Variants in RNF150 observed in about 807,000 individuals in gnomAD.
RNF150 encodes ring finger protein 150.
Under a neutral mutation model 39.3 loss-of-function variants are expected in RNF150, and 24 were observed. The observed-to-expected ratio is 0.61, with a 90% confidence interval of 0.44 to 0.86. RNF150 has a LOEUF of 0.86. RNF150 is among the 40% of genes least tolerant of loss of function. The probability of loss-of-function intolerance (pLI) is 0.00; values close to 1 mark genes in which losing one functional copy is unlikely to be tolerated. For missense variants in RNF150, 502 were observed against 587.8 expected (o/e 0.85, Z 1.51); for synonymous variants, 255 against 227.3 (o/e 1.12, Z -1.10).
chr4:141,190,237 C>T (rs530880869), intron 1 of RNF150, among the ~76,000 whole-genome samples: 7 of 152,320 alleles, frequency 4.6e-5, no homozygotes, highest in East Asian at 1.9e-4. Flanking sequence ...GCATTGGTCT[C>T]GCTGGTTGTT....
At chr4:140,937,622 T>C (rs1391416668) in intron 4 of RNF150, among the ~76,000 whole-genome samples, 2 of 151,960 alleles carry the variant, frequency 1.3e-5, no homozygotes, top group Admixed American at 1.3e-4. Flanking sequence ...AATGAGAAAG[T>C]AGAAGAAAAA....
At chr4:141,034,207 T>C (rs1026779201) in intron 1 of RNF150, among the ~76,000 whole-genome samples, 3 of 152,238 alleles carry the variant, frequency 2.0e-5, no homozygotes, top group African/African-American at 7.2e-5. Flanking sequence ...ACCTGCTGCT[T>C]CACCTTGCAT....
chr4:140,956,083 T>C (rs1560985487), intron 2 of RNF150, among the ~76,000 whole-genome samples: 2 of 152,352 alleles, frequency 1.3e-5, no homozygotes, highest in South Asian at 4.1e-4. Flanking sequence ...AAAAGATCCC[T>C]ACTTAGTTTA....
At position 141,111,971 on chromosome 4, in the gene RNF150, A is replaced by G. The variant is rs146903303; in HGVS notation, c.484+20354T>C. ...CAGTAGGAGAAATGCAAAAGAACTGATTTATTTATAAAACTAAAAATAATA... is the reference window on the plus strand; with the variant it reads ...CAGTAGGAGAAATGCAAAAGAACTGGTTTATTTATAAAACTAAAAATAATA... On this transcript the variant is annotated intron_variant, in intron 1 of 6. Coordinates refer to ENST00000515673, the MANE Select transcript of RNF150 (RefSeq NM_020724.2). 3.0e-4 allele frequency among the ~76,000 whole-genome samples: 45 copies of G among 152,298 alleles called. No individual in the cohort carries two copies. In the East Asian group the frequency reaches 7.7e-3, roughly 26 times the overall value.
At chr4:140,909,500 T>G (rs1370014314) in intron 6 of RNF150, among the ~76,000 whole-genome samples, 1 of 152,128 alleles carries the variant, frequency 6.6e-6, no homozygotes, top group East Asian at 1.9e-4. Flanking sequence ...CCACTTTATT[T>G]AAAAACATTC....
intron 6 of RNF150, among the ~76,000 whole-genome samples, chr4:140,904,840 A>C (rs934043175): frequency 6.6e-6 from 1 of 152,226 alleles, no homozygotes; most frequent in Non-Finnish European, 1.5e-5. Flanking sequence ...AGTTTTAAAT[A>C]GAGATGTTCT....
At position 140,863,969 on chromosome 4, in the gene RNF150, T is replaced by C. The variant is rs1313317821; in HGVS notation, c.*4292A>G. On this transcript the variant is annotated 3_prime_UTR_variant, in exon 7 of 7. Transcript: ENST00000515673. ...TCCTATGTTAGATCACTGGCATTGA[T>C]TTGGTTTTGAGAGTATGGTAGCCTC... 2 of 152,194 alleles carry C rather than the reference T, an allele frequency of 1.3e-5. No homozygotes were observed. Among genetic ancestry groups the C allele is most frequent in the Admixed American group, 1.3e-4 (2 of 15,276 alleles). The allele number at this position is 152,194 out of a possible 1,614,324, so 9.4% of individuals were successfully genotyped here.
chr4:140,891,977 A>G (rs1373963731), intron 6 of RNF150, among the ~76,000 whole-genome samples: 2 of 152,118 alleles, frequency 1.3e-5, no homozygotes, highest in Non-Finnish European at 2.9e-5. Flanking sequence ...CGTCCCCCCA[A>G]CCACCTCTCT....
In RNF150 at chr4:141,125,987, A is replaced by AT. The variant is rs370220199; in HGVS notation, c.484+6337_484+6338insA. On this transcript the variant is annotated intron_variant, in intron 1 of 6. Coordinates refer to ENST00000515673, the MANE Select transcript of RNF150 (RefSeq NM_020724.2). The stretch of plus-strand genomic sequence containing the variant: ...GCTACACTGCCAAGAATGTTATTTA[A>AT]CACTTTGATGAATTATGGCTTTTAA... Among the ~76,000 whole-genome samples, 740 of 152,280 alleles carry AT rather than the reference A, an allele frequency of 4.9e-3. 9 individuals carry two copies. The highest frequency in any genetic ancestry group is 0.017 in the African/African-American group (702 of 41,570).
At chr4:141,152,079 T>A (rs1435132) in intron 1 of RNF150, among the ~76,000 whole-genome samples, 1 of 152,038 alleles carries the variant, frequency 6.6e-6, no homozygotes, top group Non-Finnish European at 1.5e-5. Flanking sequence ...ATGGCTTTTA[T>A]GTAATCTGTT....
intron 1 of RNF150, among the ~76,000 whole-genome samples, chr4:141,061,111 C>CAA (rs1172706208): frequency 6.6e-6 from 1 of 151,304 alleles, no homozygotes; most frequent in African/African-American, 2.4e-5. Flanking sequence ...ACGTTCTGCA[C>CAA]ATCTACCCCA....
intron 1 of RNF150, among the ~76,000 whole-genome samples, chr4:141,185,398 A>G (rs553272294): frequency 3.0e-4 from 46 of 152,128 alleles, no homozygotes; most frequent in African/African-American, 7.5e-4. Flanking sequence ...AGACTTTGCT[A>G]AAGTTGCTTA....
chr4:140,903,969 C>T (rs998032798), intron 6 of RNF150, among the ~76,000 whole-genome samples: 10 of 152,230 alleles, frequency 6.6e-5, no homozygotes, highest in African/African-American at 2.2e-4. Flanking sequence ...GGCAGTCTCG[C>T]TTTGAGTGGG....
chr4:140,915,604 G>A (rs765146264), intron 5 of RNF150, among the ~76,000 whole-genome samples: 1 of 152,234 alleles, frequency 6.6e-6, no homozygotes, highest in Non-Finnish European at 1.5e-5. Flanking sequence ...TGTGGGGCAA[G>A]CTTGGATGTG....
intron 1 of RNF150, among the ~76,000 whole-genome samples, chr4:141,110,509 TAAA>T (rs1739352571): frequency 1.3e-5 from 2 of 151,902 alleles, no homozygotes; most frequent in Admixed American, 1.3e-4. Flanking sequence ...CACTGCAGCC[TAAA>T]GCTCCTGGGC....
upstream of RNF150, among the ~76,000 whole-genome samples, chr4:141,135,223 ATATG>A (rs945189116): frequency 6.6e-6 from 1 of 152,388 alleles, no homozygotes; most frequent in African/African-American, 2.4e-5. Flanking sequence ...TTCAAAAACT[ATATG>A]TATATATATT....
At chr4:141,162,405 T>C (rs1727531065) in intron 1 of RNF150, among the ~76,000 whole-genome samples, 1 of 151,332 alleles carries the variant, frequency 6.6e-6, no homozygotes, top group South Asian at 2.2e-4. Context: ...ACTATGTCGT[T>C]TTTGATTTTG....
At chr4:140,888,008 G>A (rs1251958219) in intron 6 of RNF150, among the ~76,000 whole-genome samples, 1 of 152,088 alleles carries the variant, frequency 6.6e-6, no homozygotes, top group East Asian at 1.9e-4. Flanking sequence ...GTCTATTTAA[G>A]GTTTTTATCA....
At chr4:141,123,555 T>C (rs916668994) in intron 1 of RNF150, among the ~76,000 whole-genome samples, 2 of 150,532 alleles carry the variant, frequency 1.3e-5, no homozygotes, top group Non-Finnish European at 2.9e-5. Context: ...GTAATCATTT[T>C]ATTTTTTTTA....
Sources: gnomAD v4.1 joint callset for allele counts (sites outside exome capture counted in the v4.1 genomes callset) on GRCh38, gnomAD v4.1.1 for gene constraint, MANE v1.5 for transcripts, NCBI Gene and HGNC (gene_info 2026-07-23, HGNC 2026-07-21) for gene names.